The following TRAPPC9 variants were observed in gnomAD, a reference collection of about 807,000 sequenced individuals.
TRAPPC9 encodes the protein trafficking protein particle complex subunit 9, also known as IKK2 binding protein.
TRAPPC9 carries 83 observed loss-of-function variants against 124.0 expected under a neutral mutation model. The observed-to-expected ratio is 0.67, with a 90% CI of 0.56 to 0.80. The LOEUF (loss-of-function observed/expected upper bound fraction) is 0.80. Among genes scored for constraint, TRAPPC9 ranks in the 30% least tolerant of loss-of-function variants. The probability of loss-of-function intolerance (pLI) is 0.00; values close to 1 mark genes in which losing one functional copy is unlikely to be tolerated. For missense variants in TRAPPC9, 1,302 were observed against 1,508.3 expected (o/e 0.86, Z 2.27); for synonymous variants, 638 against 617.5 (o/e 1.03, Z -0.49).
intron 21 of TRAPPC9, among the ~76,000 whole-genome samples, chr8:139,782,615 G>A (rs962838989): frequency 6.6e-6 from 1 of 152,188 alleles, no homozygotes; most frequent in Non-Finnish European, 1.5e-5. Context: ...TGCTATGGTA[G>A]GTGGGCAACT....
At chr8:139,741,047 G>A (rs1818519719) in intron 21 of TRAPPC9, among the ~76,000 whole-genome samples, 1 of 152,206 alleles carries the variant, frequency 6.6e-6, no homozygotes. Flanking sequence ...GCCCCAAGAG[G>A]AGGGTGGAGG....
At chr8:139,892,257 C>G (rs1249817825) in intron 20 of TRAPPC9, among the ~76,000 whole-genome samples, 1 of 152,236 alleles carries the variant, frequency 6.6e-6, no homozygotes, top group African/African-American at 2.4e-5. Context: ...CCATGTAGTA[C>G]CCAAGGGACA....
chr8:139,766,757 A>G (rs1045650529), intron 21 of TRAPPC9, among the ~76,000 whole-genome samples: 3 of 152,216 alleles, frequency 2.0e-5, no homozygotes, highest in Admixed American at 6.5e-5. Context: ...GATCGGTCTC[A>G]GGCTCAGCCC....
chr8:140,256,421 G>A (rs745837824), intron 15 of TRAPPC9, among the ~76,000 whole-genome samples: 12 of 152,154 alleles, frequency 7.9e-5, no homozygotes, highest in African/African-American at 1.9e-4. Flanking sequence ...GGGTTCTGAC[G>A]ACATCTTGGC....
chr8:139,895,412 C>A (rs941748969), intron 20 of TRAPPC9, among the ~76,000 whole-genome samples: 1 of 152,104 alleles, frequency 6.6e-6, no homozygotes, highest in Non-Finnish European at 1.5e-5. Flanking sequence ...AGGGTGTTTG[C>A]ATGTACTTAT....
intron 20 of TRAPPC9, among the ~76,000 whole-genome samples, chr8:139,895,750 C>T (rs1830630434): frequency 6.6e-6 from 1 of 152,204 alleles, no homozygotes; most frequent in African/African-American, 2.4e-5. Context: ...GCTCAAAACA[C>T]ACATTTTTGT....
At chr8:140,278,196 C>T (rs574799714) in intron 14 of TRAPPC9, among the ~76,000 whole-genome samples, 43 of 152,272 alleles carry the variant, frequency 2.8e-4, no homozygotes, top group Admixed American at 1.9e-3. Flanking sequence ...CTCTGCCTCC[C>T]GGGTTCAAGC....
intron 21 of TRAPPC9, among the ~76,000 whole-genome samples, chr8:139,831,482 C>A (rs1353366652): frequency 6.6e-6 from 1 of 152,198 alleles, no homozygotes; most frequent in Non-Finnish European, 1.5e-5. Context: ...CTCAGTCACA[C>A]ACAGGCATGC....
In TRAPPC9 at chr8:140,454,597, G is replaced by A. The variant is rs575384936; in HGVS notation, c.-11+3042C>T. Reference sequence around the variant, plus strand: ...GGGGGTTGCAGTGAGCCGAGATCACGCCACTGCACTCCAGCCTGGGCAATA... The same window carrying A: ...GGGGGTTGCAGTGAGCCGAGATCACACCACTGCACTCCAGCCTGGGCAATA... On this transcript the variant is annotated intron_variant, in intron 1 of 22. Transcript: ENST00000438773. 2.7e-3 allele frequency among the ~76,000 whole-genome samples: 336 copies of A among 125,796 alleles called. 2 individuals are homozygous for A. Among genetic ancestry groups the A allele is most frequent in the African/African-American group, 9.7e-3 (317 of 32,746 alleles). The allele number at this position is 125,796 out of a possible 152,430, so 82.5% of individuals were successfully genotyped here.
At chr8:140,456,767 T>C in intron 1 of TRAPPC9, 1 of 984,860 alleles carries the variant, frequency 1.0e-6, no homozygotes. Flanking sequence ...ACTGGGGCCG[T>C]GAGGGATGGA....
At position 139,728,110 on chromosome 8, in the gene TRAPPC9, G is replaced by GA. The variant is rs1459846197; in HGVS notation, c.*2950dup. Among the ~76,000 whole-genome samples, 2 of 151,974 alleles carry GA rather than the reference G, an allele frequency of 1.3e-5. No homozygotes were observed. Among genetic ancestry groups the GA allele is most frequent in the Non-Finnish European group, 2.9e-5 (2 of 67,988 alleles). On this transcript the variant is annotated 3_prime_UTR_variant, in exon 23 of 23. Transcript: ENST00000438773. Reference sequence around the variant, plus strand: ...TATTTTTATCTCTATTTATTCAGATGAAAAAAAATCAAGGCTTAATTTAAG... The same window carrying GA: ...TATTTTTATCTCTATTTATTCAGATGAAAAAAAAATCAAGGCTTAATTTAAG...
intron 21 of TRAPPC9, among the ~76,000 whole-genome samples, chr8:139,757,063 T>C (rs1819877201): frequency 8.2e-6 from 1 of 121,884 alleles, no homozygotes. Flanking sequence ...GGTTTGGGGA[T>C]GAGGACAGCA....
intron 17 of TRAPPC9, among the ~76,000 whole-genome samples, chr8:140,108,834 G>A (rs1203006879): frequency 6.6e-6 from 1 of 152,164 alleles, no homozygotes; most frequent in African/African-American, 2.4e-5. Flanking sequence ...ACATTTATCT[G>A]TTATGTATTT....
At chr8:140,359,908 G>T in intron 9 of TRAPPC9, 142 bp downstream of exon 9, 3 of 1,183,054 alleles carry the variant, frequency 2.5e-6, no homozygotes, top group Non-Finnish European at 3.7e-6. Context: ...AAGGCATGGG[G>T]CAGGGACCTT....
chr8:140,327,984 G>A (rs1454490929), intron 9 of TRAPPC9, among the ~76,000 whole-genome samples: 1 of 152,206 alleles, frequency 6.6e-6, no homozygotes, highest in Admixed American at 6.5e-5. Context: ...GCCGGGCGCG[G>A]TGGCTCACGC....
chr8:139,992,678 T>C (rs1837719596), intron 18 of TRAPPC9, among the ~76,000 whole-genome samples: 1 of 149,018 alleles, frequency 6.7e-6, no homozygotes, highest in Non-Finnish European at 1.5e-5. Flanking sequence ...GTTATAAGGC[T>C]GTAATCATGA....
intron 21 of TRAPPC9, among the ~76,000 whole-genome samples, chr8:139,758,022 T>A (rs1819971959): frequency 6.6e-6 from 1 of 152,178 alleles, no homozygotes; most frequent in Admixed American, 6.5e-5. Context: ...GCCCCAGGGA[T>A]TGGGCCTGGG....
intron 17 of TRAPPC9, among the ~76,000 whole-genome samples, chr8:140,064,434 A>G (rs1250638330): frequency 6.6e-6 from 1 of 152,206 alleles, no homozygotes; most frequent in African/African-American, 2.4e-5. Context: ...AAAGGCTCTT[A>G]GGAAACCAAA....
chr8:139,845,742 T>C (rs1287314379), intron 21 of TRAPPC9, among the ~76,000 whole-genome samples: 1 of 152,192 alleles, frequency 6.6e-6, no homozygotes, highest in Non-Finnish European at 1.5e-5. Context: ...CTTTGGCCTG[T>C]CTGCCTCTCG....
Sources: gnomAD v4.1 joint callset for allele counts (sites outside exome capture counted in the v4.1 genomes callset) on GRCh38, gnomAD v4.1.1 for gene constraint, MANE v1.5 for transcripts, NCBI Gene and HGNC (gene_info 2026-07-23, HGNC 2026-07-21) for gene names.